Variants in KIF16B observed in about 807,000 individuals in gnomAD.
The protein encoded by KIF16B is kinesin-like protein KIF16B.
A neutral mutation model predicts 156.3 loss-of-function variants in KIF16B; 98 were observed. That is an observed-to-expected ratio of 0.63 (90% CI 0.53 to 0.74). The LOEUF is 0.74. Among genes scored for constraint, KIF16B ranks in the 30% least tolerant of loss-of-function variants. KIF16B has a pLI of 0.00. For missense variants in KIF16B, 1,421 were observed against 1,606.5 expected (o/e 0.88, Z 1.97); for synonymous variants, 564 against 583.7 (o/e 0.97, Z 0.49).
At chr20:16,487,742 C>T (rs2068164146) in intron 12 of KIF16B, among the ~76,000 whole-genome samples, 1 of 152,070 alleles carries the variant, frequency 6.6e-6, no homozygotes, top group African/African-American at 2.4e-5. Context: ...TTGTGCTATC[C>T]ACCCCTGCCA....
At chr20:16,363,063 G>GGA (rs1248689924) in intron 22 of KIF16B, among the ~76,000 whole-genome samples, 2 of 152,186 alleles carry the variant, frequency 1.3e-5, no homozygotes, top group Non-Finnish European at 2.9e-5. Flanking sequence ...AAGAAACAGT[G>GGA]GAGAGACGGA....
intron 25 of KIF16B, among the ~76,000 whole-genome samples, chr20:16,276,722 G>T (rs1030432935): frequency 4.1e-4 from 62 of 152,248 alleles, no homozygotes; most frequent in African/African-American, 1.4e-3. Flanking sequence ...TACAGCTGGG[G>T]ACACAAGACA....
chr20:16,436,383 GA>G (rs1195143565), intron 12 of KIF16B, among the ~76,000 whole-genome samples: 1 of 152,134 alleles, frequency 6.6e-6, no homozygotes, highest in Admixed American at 6.5e-5. Context: ...TAATGATTGG[GA>G]AGGGGTCCTC....
chr20:16,382,103 A>G, intron 17 of KIF16B: 1 of 1,356,350 alleles, frequency 7.4e-7, no homozygotes, highest in Non-Finnish European at 9.9e-7. Flanking sequence ...TCTACCTTAG[A>G]CAGATGGGTC....
At chr20:16,498,922 A>C (rs1259411007) in intron 10 of KIF16B, among the ~76,000 whole-genome samples, 1 of 148,178 alleles carries the variant, frequency 6.7e-6, no homozygotes, top group Non-Finnish European at 1.5e-5. Context: ...CTTCTTCGGC[A>C]CTGTTAAACA....
intron 7 of KIF16B, among the ~76,000 whole-genome samples, chr20:16,506,809 T>C (rs973956820): frequency 1.3e-5 from 2 of 151,990 alleles, no homozygotes; most frequent in Non-Finnish European, 2.9e-5. Context: ...AAATGAGAGA[T>C]GGTGGCCAGA....
intron 12 of KIF16B, among the ~76,000 whole-genome samples, chr20:16,468,575 C>CAAA (rs550510241): frequency 4.2e-4 from 15 of 35,816 alleles, no homozygotes; most frequent in African/African-American, 1.0e-3. Context: ...GACTCCGTCT[C>CAAA]AAAAAAAAAA....
intron 10 of KIF16B, among the ~76,000 whole-genome samples, chr20:16,499,787 G>A (rs868302039): frequency 7.2e-5 from 11 of 152,184 alleles, no homozygotes; most frequent in Middle Eastern, 6.8e-3. Context: ...CACCCCTTCT[G>A]GAACATTATT....
intron 1 of KIF16B, among the ~76,000 whole-genome samples, chr20:16,561,232 T>C (rs1295936353): frequency 6.6e-6 from 1 of 152,036 alleles, no homozygotes; most frequent in Non-Finnish European, 1.5e-5. Flanking sequence ...AGGTGGAGGT[T>C]ACAGTGGGCA....
At position 16,530,668 on chromosome 20, in the gene KIF16B, A is replaced by C. The variant is rs143425943; in HGVS notation, c.48-2228T>G. The stretch of plus-strand genomic sequence containing the variant: ...CCCACCCAGATTCCTGACCCACAGA[A>C]ACTCTGAGATAATACATGCTGTGTT... On this transcript the variant is annotated intron_variant, in intron 1 of 25. Coordinates refer to ENST00000354981, the MANE Select transcript of KIF16B (RefSeq NM_024704.5). Among the ~76,000 whole-genome samples, 124 of 152,198 alleles carry C rather than the reference A, an allele frequency of 8.1e-4. 1 individual carries two copies. The highest frequency in any genetic ancestry group is 2.8e-3 in the African/African-American group (117 of 41,534).
At chr20:16,467,437 T>C (rs528305759) in intron 12 of KIF16B, among the ~76,000 whole-genome samples, 2 of 152,278 alleles carry the variant, frequency 1.3e-5, no homozygotes, top group South Asian at 2.1e-4. Context: ...CTGAAAAACA[T>C]CAGAACCAGG....
intron 15 of KIF16B, among the ~76,000 whole-genome samples, chr20:16,420,875 G>C (rs994117829): frequency 6.6e-6 from 1 of 152,112 alleles, no homozygotes; most frequent in African/African-American, 2.4e-5. Flanking sequence ...CTGGACTTTA[G>C]GATCCTAGGG....
chr20:16,402,726 G>A (rs894247352), intron 17 of KIF16B, among the ~76,000 whole-genome samples: 3 of 151,616 alleles, frequency 2.0e-5, no homozygotes, highest in African/African-American at 4.9e-5. Flanking sequence ...CACCTGGAGA[G>A]AGGTCCAGAG....
At chr20:16,384,804 T>A (rs910893522) in intron 17 of KIF16B, among the ~76,000 whole-genome samples, 2 of 152,028 alleles carry the variant, frequency 1.3e-5, no homozygotes, top group Admixed American at 1.3e-4. Flanking sequence ...CACTTACTGA[T>A]CAGGAGCTTG....
chr20:16,375,685 CA>C (rs34135271), intron 19 of KIF16B, among the ~76,000 whole-genome samples: 480 of 112,790 alleles, frequency 4.3e-3, no homozygotes, highest in Middle Eastern at 4.5e-3. Flanking sequence ...CATCAATGGC[CA>C]AAAAAAAAAA....
chr20:16,568,323 G>A (rs1301116910), intron 1 of KIF16B, among the ~76,000 whole-genome samples: 1 of 152,058 alleles, frequency 6.6e-6, no homozygotes, highest in African/African-American at 2.4e-5. Flanking sequence ...CTATAAAGCT[G>A]GCACATCACC....
At chr20:16,356,251 C>G in intron 23 of KIF16B, 79 bp downstream of exon 23, 1 of 1,569,018 alleles carries the variant, frequency 6.4e-7, no homozygotes, top group Non-Finnish European at 8.7e-7. Context: ...CTTCATCCCC[C>G]TTTTGAAAAA....
At chr20:16,518,828 TCA>T (rs149652340) in intron 3 of KIF16B, among the ~76,000 whole-genome samples, 1 of 151,544 alleles carries the variant, frequency 6.6e-6, no homozygotes, top group Non-Finnish European at 1.5e-5. Context: ...TACATTCAAA[TCA>T]CACACACACA....
At chr20:16,516,013 A>G (rs1399727015) in intron 3 of KIF16B, among the ~76,000 whole-genome samples, 1 of 152,228 alleles carries the variant, frequency 6.6e-6, no homozygotes, top group African/African-American at 2.4e-5. Flanking sequence ...TAAATATATA[A>G]AGCTATTCAT....
Sources: allele counts gnomAD v4.1 joint callset (sites outside exome capture counted in the v4.1 genomes callset), GRCh38; gene constraint gnomAD v4.1.1; transcripts MANE v1.5; gene names NCBI Gene and HGNC (gene_info 2026-07-23, HGNC 2026-07-21).